ZNF404: variants seen among roughly 807,000 people sequenced by gnomAD.
ZNF404 encodes zinc finger protein 404.
In ZNF404, 7 loss-of-function variants were observed where a neutral mutation model predicts 7.3. That is an observed-to-expected ratio of 0.95 (90% confidence interval 0.54 to 1.79). The LOEUF (loss-of-function observed/expected upper bound fraction) is 1.79, where lower values mean the gene tolerates loss of function less well. Ranked by LOEUF, ZNF404 falls within the 40% of genes most tolerant of loss-of-function variation. ZNF404 has a pLI of 0.00. For missense variants in ZNF404, 560 were observed against 661.5 expected (o/e 0.85, Z 1.68); for synonymous variants, 191 against 209.9 (o/e 0.91, Z 0.78).
At chr19:43,881,962 A>C (rs1188696813) in intron 1 of ZNF404, among the ~76,000 whole-genome samples, 1 of 141,206 alleles carries the variant, frequency 7.1e-6, no homozygotes, top group Admixed American at 7.0e-5. Flanking sequence ...TGTCTCAAAA[A>C]AAAAAAAAAA....
In ZNF404 at chr19:43,872,712, TCA is replaced by T; in HGVS notation, c.1500_1501del (p.Cys500Ter). The T allele has an allele frequency of 6.2e-7, 1 of 1,613,500 alleles. No individual in the cohort carries two copies. Among genetic ancestry groups the T allele is most frequent in the Non-Finnish European group, 8.5e-7 (1 of 1,179,688 alleles). ...TCGATCACTGCGATTAAAGGCCTTA[TCA>T]CATTCTTTACATTCATAGGGTTTTT... is the stretch of plus-strand genomic sequence containing the variant. On this transcript the variant is annotated stop_gained and frameshift_variant, in exon 3 of 3. Coordinates refer to ENST00000587539, the MANE Select transcript of ZNF404 (RefSeq NM_001033719.3). LOFTEE classifies it low-confidence loss of function (END_TRUNC). The surrounding 1 kb of genome is among the most constrained non-coding windows in gnomAD (Gnocchi z 4.4).
intron 1 of ZNF404, among the ~76,000 whole-genome samples, chr19:43,882,733 G>A (rs1361137783): frequency 6.6e-6 from 1 of 151,054 alleles, no homozygotes; most frequent in Non-Finnish European, 1.5e-5. Context: ...TGAGGCTGCG[G>A]TAAACCTTGA....
chr19:43,874,108 T>C, intron 2 of ZNF404, 31 bp from the exon 3 acceptor site: 1 of 1,423,040 alleles, frequency 7.0e-7, no homozygotes, highest in Admixed American at 2.6e-5. Flanking sequence ...AAACAAATGC[T>C]ATTTTCCAAT....
chr19:43,873,407 T>A lies in ZNF404; in HGVS notation c.807A>T (p.Lys269Asn). ...TTCCACATTCTTTACATTTGTAGGGTTTCACACCATGATGAATTTTCTGAT... is the reference window on the plus strand; with the variant it reads ...TTCCACATTCTTTACATTTGTAGGGATTCACACCATGATGAATTTTCTGAT... The part of the protein sequence containing the change: ...CLHQKIHHGV[K>N]PYKCKECGKA... Residue 269 changes from lysine (K) to asparagine (N), a missense_variant, in exon 3 of 3, where the codon AAA becomes AAT. Coordinates refer to ENST00000587539, the MANE Select transcript of ZNF404 (RefSeq NM_001033719.3). 6.2e-7 allele frequency: 1 copy of A among 1,613,510 alleles called. No individual in the cohort carries two copies. Among genetic ancestry groups the A allele is most frequent in the Non-Finnish European group, 8.5e-7 (1 of 1,179,650 alleles).
At position 43,872,642 on chromosome 19, in the gene ZNF404, T is replaced by C; in HGVS notation, c.1572A>G (p.Lys524=). Residue 524 remains lysine (K), a synonymous_variant, in exon 3 of 3, where the codon AAA becomes AAG. Transcript: ENST00000587539. The surrounding 1 kb of genome is among the most constrained non-coding windows in gnomAD (Gnocchi z 4.4). ...ETIHTGVKPQ[K]CKECGKAFSH... ...TAAAGGCCTTACCACATTCTTTGCA[T>C]TTCTGTGGTTTCACACCAGTATGAA... is the stretch of plus-strand genomic sequence containing the variant. 1 of 1,612,890 alleles carries C rather than the reference T, an allele frequency of 6.2e-7. No individual in the cohort carries two copies. Among genetic ancestry groups the C allele is most frequent in the Non-Finnish European group, 8.5e-7 (1 of 1,179,362 alleles).
intron 1 of ZNF404, among the ~76,000 whole-genome samples, chr19:43,880,746 C>T (rs1378369912): frequency 6.6e-6 from 1 of 152,180 alleles, no homozygotes; most frequent in Admixed American, 6.5e-5. Context: ...AATTTCTAGG[C>T]TGTGGCACAG....
rs545094704 is a variant in ZNF404, at chr19:43,872,900, G to C, written c.1314C>G (p.Pro438=). ...TTTTTCCACATTCCTTACATTCATA[G>C]GGTTTCTCCCCAGCATGAATTGATT... The part of the protein sequence containing the change: ...THQSIHAGEK[P]YECKECGKTF... The change falls in exon 3 of 3, where the codon CCC becomes CCG. Residue 438 remains proline, a synonymous_variant. Coordinates refer to ENST00000587539, the MANE Select transcript of ZNF404 (RefSeq NM_001033719.3). The surrounding 1 kb of genome is among the most constrained non-coding windows in gnomAD (Gnocchi z 4.4). 10 of 1,607,730 alleles carry C rather than the reference G, an allele frequency of 6.2e-6. No homozygotes were observed. In the African/African-American group the frequency reaches 1.2e-4, roughly 19 times the overall value.
chr19:43,878,982 T>C (rs972047669), intron 2 of ZNF404, among the ~76,000 whole-genome samples: 30 of 152,180 alleles, frequency 2.0e-4, no homozygotes, highest in African/African-American at 6.3e-4. Flanking sequence ...CAGCATACAA[T>C]CACAACTACT....
chr19:43,876,090 G>A (rs377456648), intron 2 of ZNF404, among the ~76,000 whole-genome samples: 11 of 152,270 alleles, frequency 7.2e-5, no homozygotes, highest in African/African-American at 2.2e-4. Context: ...TTGGGAGGCC[G>A]AAGCAGGCAG....
chr19:43,879,216 A>C (rs1971875786), intron 2 of ZNF404, among the ~76,000 whole-genome samples: 1 of 152,232 alleles, frequency 6.6e-6, no homozygotes, highest in South Asian at 2.1e-4. Context: ...AAAGAGAATT[A>C]AATTGAATTT....
chr19:43,874,143 A>G lies in ZNF404; in HGVS notation c.137-66T>C, dbSNP rs1740083582. On this transcript the variant is annotated intron_variant, in intron 2 of 2. Coordinates refer to ENST00000587539, the MANE Select transcript of ZNF404 (RefSeq NM_001033719.3). The stretch of plus-strand genomic sequence containing the variant: ...TAATAGGGGTAGGGAGAGGACATCT[A>G]TATTAAAAATAGTGATAAACTAAAA... 3 of 1,090,614 alleles carry G rather than the reference A, an allele frequency of 2.8e-6. No homozygotes were observed. In the Admixed American group the frequency reaches 9.3e-5, roughly 34 times the overall value. 67.6% of individuals were successfully genotyped at this position (1,090,614 alleles called of 1,614,324 possible).
chr19:43,874,221 C>A (rs1029724318), intron 2 of ZNF404, 144 bp from the exon 3 acceptor site: 26 of 626,756 alleles, frequency 4.1e-5, no homozygotes, highest in Middle Eastern at 4.4e-4. Flanking sequence ...TACTGCCATG[C>A]AATTTTTAAA....
In ZNF404 at chr19:43,874,064, T is replaced by C. The variant is rs747112847; in HGVS notation, c.150A>G (p.Thr50=). Residue 50 remains threonine, a synonymous_variant, in exon 3 of 3, where the codon ACA becomes ACG. Coordinates refer to ENST00000587539, the MANE Select transcript of ZNF404 (RefSeq NM_001033719.3). ...TNLVSLDFNF[T]TESNKLSSEK... is the part of the protein sequence containing the mutation. ...CTGAAGATAACTTGTTGCTTTCAGT[T>C]GTGAAATTAAAGTCTGGAAGAAAAT... The C allele has an allele frequency of 6.4e-7, 1 of 1,565,404 alleles. No individual in the cohort carries two copies. Among genetic ancestry groups the C allele is most frequent in the East Asian group, 2.2e-5 (1 of 44,528 alleles).
intron 1 of ZNF404, 75 bp downstream of exon 1, chr19:43,883,881 G>A (rs1599748525): frequency 2.0e-6 from 3 of 1,514,718 alleles, no homozygotes; most frequent in East Asian, 4.5e-5. Context: ...GAGGTTTCAG[G>A]ATTAAAAAAA....
chr19:43,873,688 T>TA lies in ZNF404; in HGVS notation c.525dup (p.Arg176Ter). 6.2e-7 allele frequency: 1 copy of TA among 1,613,328 alleles called. No homozygotes were observed. Among genetic ancestry groups the TA allele is most frequent in the Non-Finnish European group, 8.5e-7 (1 of 1,179,622 alleles). On this transcript the variant is annotated frameshift_variant, in exon 3 of 3. Transcript: ENST00000587539. LOFTEE classifies it low-confidence loss of function (END_TRUNC). ...AAATCAGTGTGGATTTTTCGATGTC[T>TA]AATAAAATGCTGGAAAACTACAAAT...
At chr19:43,874,883 G>T (rs1347754078) in intron 2 of ZNF404, among the ~76,000 whole-genome samples, 1 of 151,944 alleles carries the variant, frequency 6.6e-6, no homozygotes, top group African/African-American at 2.4e-5. Context: ...CCCTACCATT[G>T]GTAAGTATTA....
chr19:43,883,613 T>G (rs1971914584), intron 1 of ZNF404, among the ~76,000 whole-genome samples: 1 of 152,196 alleles, frequency 6.6e-6, no homozygotes, highest in Non-Finnish European at 1.5e-5. Flanking sequence ...TTTCCACTCC[T>G]GTAGTCAAAT....
At chr19:43,878,934 T>G (rs1228208925) in intron 2 of ZNF404, among the ~76,000 whole-genome samples, 1 of 152,224 alleles carries the variant, frequency 6.6e-6, no homozygotes, top group Non-Finnish European at 1.5e-5. Context: ...GAAGATAGCA[T>G]CATCTGAAAC....
rs753361712 is a variant in ZNF404 at position 43,872,972 on chromosome 19, C to T, written c.1242G>A (p.Lys414=). The change falls in exon 3 of 3, where the codon AAG becomes AAA. Residue 414 remains lysine (K), a synonymous_variant. Coordinates refer to ENST00000587539, the MANE Select transcript of ZNF404 (RefSeq NM_001033719.3). This position sits in a 1 kb window ranked among gnomAD's most constrained non-coding sequence, Gnocchi z 4.4. ...IHTDLKPYEC[K]QCGKAFSRVG... The stretch of plus-strand genomic sequence containing the variant: ...CACGACTGAAGGCTTTCCCACATTG[C>T]TTACATTCATATGGCTTCAAATCAG... 1.9e-6 allele frequency: 3 copies of T among 1,604,738 alleles called. No homozygotes were observed. The highest frequency in any genetic ancestry group is 1.7e-5 in the Admixed American group (1 of 58,270).
Sources: gnomAD v4.1 joint callset for allele counts (sites outside exome capture counted in the v4.1 genomes callset) on GRCh38, gnomAD v4.1.1 for gene constraint, Gnocchi (gnomAD v3.1) non-coding constraint, MANE v1.5 for transcripts, NCBI Gene and HGNC (gene_info 2026-07-23, HGNC 2026-07-21) for gene names.